Variants in PDS5A observed in about 807,000 individuals in gnomAD.
PDS5A encodes the protein sister chromatid cohesion protein PDS5 homolog A.
A neutral mutation model predicts 167.1 loss-of-function variants in PDS5A; 42 were observed. The ratio of observed to expected loss-of-function variants is 0.25; its 90% CI spans 0.20 to 0.33. PDS5A has a LOEUF of 0.33. Among genes scored for constraint, PDS5A ranks in the 10% least tolerant of loss-of-function variants. PDS5A has a pLI of 1.00. For missense variants in PDS5A, 1,033 were observed against 1,605.9 expected, an observed-to-expected ratio of 0.64 and a Z score of 6.10; for synonymous variants, 553 against 554.6, an observed-to-expected ratio of 1.00 and a Z score of 0.04.
At chr4:39,839,754 T>TGGG (rs3070809) in intron 31 of PDS5A, among the ~76,000 whole-genome samples, 7 of 107,704 alleles carry the variant, frequency 6.5e-5, no homozygotes, top group South Asian at 2.8e-4. Flanking sequence ...AATATGATTC[T>TGGG]GGGGGGGGGG....
intron 23 of PDS5A, among the ~76,000 whole-genome samples, chr4:39,865,116 G>A (rs1365531336): frequency 6.6e-6 from 1 of 152,144 alleles, no homozygotes; most frequent in Non-Finnish European, 1.5e-5. Context: ...ACTGAGGAAT[G>A]ATTGCTTATA....
chr4:39,939,552 G>A (rs1488119183), intron 2 of PDS5A, among the ~76,000 whole-genome samples: 2 of 152,070 alleles, frequency 1.3e-5, no homozygotes, highest in Non-Finnish European at 1.5e-5. Context: ...CCAGCACTAT[G>A]GGAGGCCAAG....
chr4:39,877,378 C>T (rs1169877102), intron 18 of PDS5A, among the ~76,000 whole-genome samples: 1 of 152,084 alleles, frequency 6.6e-6, no homozygotes, highest in Non-Finnish European at 1.5e-5. Flanking sequence ...TAACAGACAG[C>T]CTTTGTCCTA....
intron 17 of PDS5A, among the ~76,000 whole-genome samples, chr4:39,885,278 A>G (rs1258300011): frequency 6.6e-6 from 1 of 150,500 alleles, no homozygotes; most frequent in Non-Finnish European, 1.5e-5. Context: ...AAGGAAAAGA[A>G]AAAGACAAAA....
At chr4:39,963,633 C>A (rs905982899) in intron 2 of PDS5A, among the ~76,000 whole-genome samples, 1 of 152,046 alleles carries the variant, frequency 6.6e-6, no homozygotes, top group Non-Finnish European at 1.5e-5. Context: ...AATGCTTGAG[C>A]CCAGACTGGG....
chr4:39,973,080 T>C (rs1489891309), intron 2 of PDS5A: 1 of 721,808 alleles, frequency 1.4e-6, no homozygotes, highest in African/African-American at 1.8e-5. Flanking sequence ...TGTTTAGATA[T>C]TTTTCTTTGG....
At chr4:39,939,777 A>G (rs1727049984) in intron 2 of PDS5A, among the ~76,000 whole-genome samples, 1 of 152,166 alleles carries the variant, frequency 6.6e-6, no homozygotes, top group Admixed American at 6.5e-5. Flanking sequence ...AGCCTGGACA[A>G]AAGAGCAAGA....
chr4:39,919,895 A>C (rs1387652886), intron 7 of PDS5A, among the ~76,000 whole-genome samples: 1 of 152,100 alleles, frequency 6.6e-6, no homozygotes, highest in Non-Finnish European at 1.5e-5. Flanking sequence ...CAGGCAAAAC[A>C]ACCAAACCAT....
At chr4:39,908,807 C>T (rs1578718837) in intron 10 of PDS5A, 6 of 334,176 alleles carry the variant, frequency 1.8e-5, no homozygotes, top group South Asian at 7.5e-5. Flanking sequence ...GCAGGCAGGT[C>T]GCACAAGCTC....
intron 26 of PDS5A, among the ~76,000 whole-genome samples, chr4:39,851,239 C>A (rs1718095636): frequency 6.6e-6 from 1 of 151,980 alleles, no homozygotes; most frequent in South Asian, 2.1e-4. Flanking sequence ...TTCATATAAT[C>A]CTCATGACTC....
At chr4:39,928,282 TCA>T (rs36101858) in intron 2 of PDS5A, 118 bp from the exon 3 acceptor site, 150,924 of 609,694 alleles carry the variant, frequency 0.25, 21,418 homozygotes, top group Admixed American at 0.31. Context: ...ACCAGACAGT[TCA>T]CAGTCAACTT....
rs1188978894 is a variant in PDS5A, at chr4:39,823,881, CG to C, written c.*1603del. 3 of 152,486 alleles carry C rather than the reference CG, an allele frequency of 2.0e-5. No individual in the cohort carries two copies. The highest frequency in any genetic ancestry group is 4.4e-5 in the Non-Finnish European group (3 of 68,044). 9.4% of individuals were successfully genotyped at this position (152,486 alleles called of 1,614,324 possible). On this transcript the variant is annotated 3_prime_UTR_variant, in exon 33 of 33. Coordinates refer to ENST00000303538, the MANE Select transcript of PDS5A (RefSeq NM_001100399.2). ...CCAACTCTTGATTATCTATGAGAAA[CG>C]TAAGTGACATTTACTCTCAAACTTC...
chr4:39,873,212 T>C, intron 20 of PDS5A, 68 bp from the exon 21 acceptor site: 2 of 958,680 alleles, frequency 2.1e-6, no homozygotes, highest in Non-Finnish European at 2.9e-6. Flanking sequence ...ACTGAAACAG[T>C]ACATTTTCCT....
At chr4:39,829,086 C>T (rs1715578254) in intron 32 of PDS5A, among the ~76,000 whole-genome samples, 2 of 152,098 alleles carry the variant, frequency 1.3e-5, no homozygotes, top group African/African-American at 4.8e-5. Context: ...TGTAGCTCAG[C>T]GGTGTGTTTG....
At chr4:39,861,151 A>T (rs1263549808) in intron 26 of PDS5A, among the ~76,000 whole-genome samples, 1 of 151,636 alleles carries the variant, frequency 6.6e-6, no homozygotes, top group Non-Finnish European at 1.5e-5. Context: ...CAAGTGTAGA[A>T]GGGAAGGGGG....
chr4:39,971,235 T>C (rs923206263), intron 2 of PDS5A, among the ~76,000 whole-genome samples: 1 of 152,000 alleles, frequency 6.6e-6, no homozygotes, highest in Non-Finnish European at 1.5e-5. Context: ...CTTGGCTTAC[T>C]GCAAGCTCCG....
At chr4:39,883,535 C>T (rs562866288) in intron 17 of PDS5A, among the ~76,000 whole-genome samples, 15 of 152,162 alleles carry the variant, frequency 9.9e-5, no homozygotes, top group Admixed American at 3.3e-4. Flanking sequence ...TAGTCAAAAA[C>T]AACAGCAGAA....
At chr4:39,929,959 T>G (rs1422431823) in intron 2 of PDS5A, among the ~76,000 whole-genome samples, 1 of 150,414 alleles carries the variant, frequency 6.6e-6, no homozygotes, top group East Asian at 2.0e-4. Flanking sequence ...CTCATGCCTG[T>G]AATCCCAGCA....
At chr4:39,960,793 T>C (rs1729409999) in intron 2 of PDS5A, among the ~76,000 whole-genome samples, 1 of 151,780 alleles carries the variant, frequency 6.6e-6, no homozygotes, top group Admixed American at 6.6e-5. Flanking sequence ...GGGTTCAAGC[T>C]ATTCTCCTGC....
Sources: gnomAD v4.1 joint callset for allele counts (sites outside exome capture counted in the v4.1 genomes callset) on GRCh38, gnomAD v4.1.1 for gene constraint, MANE v1.5 for transcripts, NCBI Gene and HGNC (gene_info 2026-07-23, HGNC 2026-07-21) for gene names.